The following FBLN7 variants were observed in gnomAD, a reference collection of about 807,000 sequenced individuals.
The protein encoded by FBLN7 is fibulin-7.
Under a neutral mutation model 44.0 loss-of-function variants are expected in FBLN7, and 31 were observed. The observed-to-expected ratio is 0.70, with a 90% CI of 0.53 to 0.95. FBLN7 has a LOEUF of 0.95. FBLN7 is among the 40% of genes least tolerant of loss of function. The pLI is 0.00. For synonymous variants in FBLN7, 262 were observed against 253.4 expected (o/e 1.03, Z -0.32); for missense variants, 573 against 618.5 (o/e 0.93, Z 0.78).
At chr2:112,184,704 G>GT (rs1683165182) in intron 6 of FBLN7, among the ~76,000 whole-genome samples, 4 of 143,304 alleles carry the variant, frequency 2.8e-5, no homozygotes, top group Admixed American at 1.4e-4. Context: ...GTATATATAT[G>GT]AATATGGTAT....
chr2:112,171,103 C>G (rs956894411), intron 3 of FBLN7, among the ~76,000 whole-genome samples: 13 of 152,198 alleles, frequency 8.5e-5, no homozygotes, highest in Non-Finnish European at 1.5e-5. Flanking sequence ...GTTAAAATGG[C>G]TGTGCGACAG....
chr2:112,178,222 A>G (rs1203950284), intron 4 of FBLN7, among the ~76,000 whole-genome samples: 2 of 151,826 alleles, frequency 1.3e-5, no homozygotes, highest in Admixed American at 6.6e-5. Flanking sequence ...GGCAAAAACC[A>G]AAAATGTGAA....
chr2:112,206,371 A>G, the FBLN7 span, among the ~76,000 whole-genome samples: 5 of 152,066 alleles, frequency 3.3e-5, no homozygotes, highest in African/African-American at 1.2e-4. Flanking sequence ...CTTTGGTTTC[A>G]CTGATGTTCC....
intron 1 of FBLN7, among the ~76,000 whole-genome samples, chr2:112,154,813 G>A (rs1406114956): frequency 6.6e-6 from 1 of 152,182 alleles, no homozygotes; most frequent in Non-Finnish European, 1.5e-5. Flanking sequence ...CTGTGGCTGT[G>A]GGCAAGGAGC....
chr2:112,160,001 A>T (rs56350636), intron 2 of FBLN7, among the ~76,000 whole-genome samples, 166 bp downstream of exon 2: 4,010 of 146,468 alleles, frequency 0.027, 72 homozygotes, highest in Middle Eastern at 0.049. Context: ...TTATTTATTT[A>T]TTTTTTTGAG....
rs183781197 is a variant in FBLN7 at position 112,156,404 on chromosome 2, G to A, written c.76-3272G>A. On this transcript the variant is annotated intron_variant, in intron 1 of 7. Coordinates refer to ENST00000331203, the MANE Select transcript of FBLN7 (RefSeq NM_153214.3). Reference sequence around the variant, plus strand: ...ATGGAGACAAGCCCCGTTTCTCCACGGGGTTGCTGCCGGCCAGTAGCTGAA... The same window carrying A: ...ATGGAGACAAGCCCCGTTTCTCCACAGGGTTGCTGCCGGCCAGTAGCTGAA... Among the ~76,000 whole-genome samples the A allele has an allele frequency of 1.8e-4, 27 of 152,330 alleles. No homozygotes were observed. The East Asian group carries it at 4.1e-3, about 23-fold the overall frequency.
the FBLN7 span, among the ~76,000 whole-genome samples, chr2:112,196,287 G>T: frequency 6.6e-6 from 1 of 150,978 alleles, no homozygotes; most frequent in Admixed American, 6.6e-5. Flanking sequence ...TTGATGGGGA[G>T]ATTATGCTGT....
intron 1 of FBLN7, among the ~76,000 whole-genome samples, chr2:112,148,949 A>T (rs1471816225): frequency 2.0e-5 from 3 of 152,212 alleles, no homozygotes; most frequent in Non-Finnish European, 4.4e-5. Context: ...AAGAGAGCAG[A>T]GTCTCCTTGC....
At chr2:112,169,248 G>T (rs1682327555) in intron 3 of FBLN7, among the ~76,000 whole-genome samples, 1 of 152,254 alleles carries the variant, frequency 6.6e-6, no homozygotes, top group East Asian at 1.9e-4. Context: ...ACTCCAGCCT[G>T]GGTGACACAG....
chr2:112,153,955 CG>C (rs1312565302), intron 1 of FBLN7, among the ~76,000 whole-genome samples: 1 of 152,210 alleles, frequency 6.6e-6, no homozygotes, highest in Non-Finnish European at 1.5e-5. Context: ...CTCCTCCCCT[CG>C]CCCAGCTCTC....
At chr2:112,173,623 A>G (rs1480745841) in intron 3 of FBLN7, among the ~76,000 whole-genome samples, 1 of 152,278 alleles carries the variant, frequency 6.6e-6, no homozygotes, top group Admixed American at 6.5e-5. Context: ...GCTAGGCTTC[A>G]TGAAAACAGT....
At chr2:112,175,865 G>T in intron 4 of FBLN7, 26 bp downstream of exon 4, 1 of 1,610,688 alleles carries the variant, frequency 6.2e-7, no homozygotes, top group Non-Finnish European at 8.5e-7. Flanking sequence ...GGGGTTAGGT[G>T]AGGACATCCT....
chr2:112,160,052 G>T (rs995897827), intron 2 of FBLN7, among the ~76,000 whole-genome samples: 1 of 151,912 alleles, frequency 6.6e-6, no homozygotes, highest in Non-Finnish European at 1.5e-5. Context: ...GTGCAGTGGC[G>T]CGATCTCGGC....
At chr2:112,157,822 A>C (rs1681512418) in intron 1 of FBLN7, among the ~76,000 whole-genome samples, 1 of 150,748 alleles carries the variant, frequency 6.6e-6, no homozygotes, top group South Asian at 2.1e-4. Flanking sequence ...GTGGTCTTGA[A>C]CTCCTGGATG....
chr2:112,214,971 A>C, the FBLN7 span: 2 of 152,162 alleles, frequency 1.3e-5, no homozygotes. Flanking sequence ...GAGTCCCTCA[A>C]ATCTCTGCGG....
At chr2:112,180,863 C>A (rs1212936835) in intron 4 of FBLN7, among the ~76,000 whole-genome samples, 1 of 132,778 alleles carries the variant, frequency 7.5e-6, no homozygotes, top group Non-Finnish European at 1.5e-5. Context: ...GCAGAGCTCG[C>A]AGTGAGCGGA....
chr2:112,181,672 C>T, intron 4 of FBLN7, 67 bp from the exon 5 acceptor site: 2 of 1,344,018 alleles, frequency 1.5e-6, no homozygotes, highest in Non-Finnish European at 1.9e-6. Flanking sequence ...GCTCCCGGCC[C>T]CTACCCAAGG....
chr2:112,160,149 C>G (rs1318297135), intron 2 of FBLN7, among the ~76,000 whole-genome samples: 1 of 152,166 alleles, frequency 6.6e-6, no homozygotes, highest in Non-Finnish European at 1.5e-5. Flanking sequence ...CGCCACCACG[C>G]CCGGCTAATT....
Position 112,159,761 on chromosome 2 carries a change from G to A in FBLN7, c.161G>A (p.Gly54Asp), listed in dbSNP as rs1326767381. Reference sequence around the variant, plus strand: ...GGCCAGGAGACACGCTTCGCCGAGGGCATCCGCCACATGAAGAGCCGGCTG... The same window carrying A: ...GGCCAGGAGACACGCTTCGCCGAGGACATCCGCCACATGAAGAGCCGGCTG... Reference protein sequence around the residue: ...LKGQETRFAEGIRHMKSRLAA... With the variant: ...LKGQETRFAEDIRHMKSRLAA... The change falls in exon 2 of 8, where the codon GGC becomes GAC. Residue 54 changes from glycine to aspartate, a missense_variant. Transcript: ENST00000331203. 3 of 1,604,520 alleles carry A rather than the reference G, an allele frequency of 1.9e-6. No individual in the cohort carries two copies. The highest frequency in any genetic ancestry group is 2.7e-5 in the African/African-American group (2 of 74,212).
Sources: allele counts gnomAD v4.1 joint callset (sites outside exome capture counted in the v4.1 genomes callset), GRCh38; gene constraint gnomAD v4.1.1; transcripts MANE v1.5; gene names NCBI Gene and HGNC (gene_info 2026-07-23, HGNC 2026-07-21).